GARNL3: variants seen among roughly 807,000 people sequenced by gnomAD.
The protein encoded by GARNL3 is GTPase-activating Rap/Ran-GAP domain-like protein 3.
Under a neutral mutation model 125.0 loss-of-function variants are expected in GARNL3, and 63 were observed. The ratio of observed to expected loss-of-function variants is 0.50; its 90% CI spans 0.41 to 0.62. The LOEUF (loss-of-function observed/expected upper bound fraction) is 0.62, where lower values mean the gene tolerates loss of function less well. GARNL3 is among the 20% of genes least tolerant of loss of function. The pLI, the probability that GARNL3 is intolerant of heterozygous loss-of-function variation, is 0.00. For missense variants in GARNL3, 994 were observed against 1,244.0 expected, an observed-to-expected ratio of 0.80 and a Z score of 3.02; for synonymous variants, 439 against 457.5, an observed-to-expected ratio of 0.96 and a Z score of 0.52.
At chr9:127,342,069 G>A (rs958380902) in intron 13 of GARNL3, 150 bp from the exon 14 acceptor site, 1 of 616,106 alleles carries the variant, frequency 1.6e-6, no homozygotes, top group Non-Finnish European at 2.9e-6. Flanking sequence ...AAAATGGATT[G>A]TTCCAAGGTA....
At chr9:127,228,155 C>T (rs2062945392) in intron 1 of GARNL3, among the ~76,000 whole-genome samples, 1 of 152,142 alleles carries the variant, frequency 6.6e-6, no homozygotes, top group Admixed American at 6.5e-5. Context: ...TTTTAAATTG[C>T]TGCCTGGTAT....
chr9:127,359,264 C>T (rs897242400), intron 21 of GARNL3, among the ~76,000 whole-genome samples: 2 of 152,154 alleles, frequency 1.3e-5, no homozygotes, highest in Non-Finnish European at 2.9e-5. Flanking sequence ...CCAAGGCCGG[C>T]GGATCACCTG....
At chr9:127,263,108 C>G (rs2063626622), upstream of GARNL3, among the ~76,000 whole-genome samples, 1 of 152,174 alleles carries the variant, frequency 6.6e-6, no homozygotes, top group South Asian at 2.1e-4. Context: ...CTCTTTATAG[C>G]TTGCTCCCTG....
At chr9:127,244,449 G>A (rs950031175) in intron 2 of GARNL3, among the ~76,000 whole-genome samples, 9 of 152,142 alleles carry the variant, frequency 5.9e-5, no homozygotes, top group African/African-American at 1.9e-4. Flanking sequence ...CGGGTTGCAC[G>A]TGAAAATTAC....
chr9:127,330,449 C>A (rs1829159717), intron 7 of GARNL3, among the ~76,000 whole-genome samples: 1 of 152,152 alleles, frequency 6.6e-6, no homozygotes, highest in Admixed American at 6.5e-5. Context: ...GACAAAGTTT[C>A]TTTTCTCATT....
At chr9:127,291,131 G>A in intron 1 of GARNL3, 37 bp from the exon 2 acceptor site, 2 of 1,598,096 alleles carry the variant, frequency 1.3e-6, no homozygotes, top group Non-Finnish European at 1.7e-6. Flanking sequence ...AAGAGACATT[G>A]TAAATGCTTC....
chr9:127,348,835 T>G (rs1451385713), intron 16 of GARNL3, 89 bp from the exon 17 acceptor site: 3 of 809,040 alleles, frequency 3.7e-6, no homozygotes, highest in Non-Finnish European at 5.9e-6. Context: ...TGTTACTGTT[T>G]CAGGTGTGGT....
At chr9:127,342,438 G>C in intron 14 of GARNL3, 104 bp downstream of exon 14, 2 of 756,380 alleles carry the variant, frequency 2.6e-6, no homozygotes, top group South Asian at 3.1e-5. Flanking sequence ...CGTAGGAGGC[G>C]CCTTGATCCT....
chr9:127,352,710 C>G (rs1830479078), intron 17 of GARNL3, among the ~76,000 whole-genome samples: 1 of 152,128 alleles, frequency 6.6e-6, no homozygotes, highest in South Asian at 2.1e-4. Flanking sequence ...GGAGTGGGAG[C>G]TCCTCTCCCC....
Position 127,391,532 on chromosome 9 carries a change from A to AT in GARNL3, c.2870+765_2870+766insT, listed in dbSNP as rs1347012202. Among the ~76,000 whole-genome samples the AT allele has an allele frequency of 1.3e-4, 15 of 116,042 alleles. 2 individuals are homozygous for AT. The highest frequency in any genetic ancestry group is 2.3e-4 in the East Asian group (1 of 4,432). 76.1% of individuals were successfully genotyped at this position (116,042 alleles called of 152,430 possible). A position where few individuals can be genotyped will look rare whatever the true frequency, so the allele number is the denominator to read the frequency against. ...AGCAAGACCCATCTCTACAAAAAAA[A>AT]AATATATATATATATATATAGGCTG... On this transcript the variant is annotated intron_variant, in intron 27 of 27. Coordinates refer to ENST00000373387, the MANE Select transcript of GARNL3 (RefSeq NM_032293.5).
chr9:127,288,963 A>G (rs1007208237), intron 1 of GARNL3, among the ~76,000 whole-genome samples: 1 of 152,158 alleles, frequency 6.6e-6, no homozygotes, highest in Non-Finnish European at 1.5e-5. Context: ...TTAATTGATC[A>G]TAGTGCTCTT....
At chr9:127,323,618 G>C (rs1290492019) in intron 6 of GARNL3, among the ~76,000 whole-genome samples, 1 of 152,172 alleles carries the variant, frequency 6.6e-6, no homozygotes, top group East Asian at 1.9e-4. Context: ...ATTCACCACA[G>C]TTAGCAAGGA....
At chr9:127,342,165 GT>G in intron 13 of GARNL3, 53 bp from the exon 14 acceptor site, 1 of 1,038,744 alleles carries the variant, frequency 9.6e-7, no homozygotes, top group Non-Finnish European at 1.5e-6. Flanking sequence ...TTCAATTCTT[GT>G]GTGTGTGTCA....
chr9:127,239,327 CAA>C (rs1385837741), intron 1 of GARNL3, among the ~76,000 whole-genome samples: 3 of 152,164 alleles, frequency 2.0e-5, no homozygotes, highest in Non-Finnish European at 4.4e-5. Context: ...GTGAAAAAAA[CAA>C]AGAGGGAACC....
At chr9:127,235,060 A>G (rs1365591764) in intron 1 of GARNL3, among the ~76,000 whole-genome samples, 1 of 152,162 alleles carries the variant, frequency 6.6e-6, no homozygotes, top group African/African-American at 2.4e-5. Flanking sequence ...TTGGAAAGAT[A>G]CCTAGCATAT....
chr9:127,375,051 G>A (rs1193184923), intron 22 of GARNL3, among the ~76,000 whole-genome samples: 1 of 152,232 alleles, frequency 6.6e-6, no homozygotes, highest in Non-Finnish European at 1.5e-5. Context: ...GCTTTCTCAT[G>A]TGTGGCTGGT....
intron 1 of GARNL3, among the ~76,000 whole-genome samples, chr9:127,232,195 T>C (rs918794364): frequency 1.2e-4 from 18 of 152,224 alleles, no homozygotes; most frequent in African/African-American, 4.3e-4. Context: ...CCAATGTTCG[T>C]AGGCTGATTC....
intron 19 of GARNL3, among the ~76,000 whole-genome samples, chr9:127,355,083 G>A (rs997838939): frequency 3.9e-5 from 6 of 152,298 alleles, no homozygotes; most frequent in Non-Finnish European, 5.9e-5. Context: ...GTGAACCACC[G>A]CACCCAGCTG....
At chr9:127,295,285 A>G (rs894127724) in intron 2 of GARNL3, among the ~76,000 whole-genome samples, 1 of 152,194 alleles carries the variant, frequency 6.6e-6, no homozygotes, top group Non-Finnish European at 1.5e-5. Context: ...GCAGATTGGC[A>G]TCCATCAGAA....
Sources: allele counts gnomAD v4.1 joint callset (sites outside exome capture counted in the v4.1 genomes callset), GRCh38; gene constraint gnomAD v4.1.1; transcripts MANE v1.5; gene names NCBI Gene and HGNC (gene_info 2026-07-23, HGNC 2026-07-21).